SPOCK1: variants seen among roughly 807,000 people sequenced by gnomAD.
The protein encoded by SPOCK1 is testican-1.
A neutral mutation model predicts 55.3 loss-of-function variants in SPOCK1; 23 were observed. That is an observed-to-expected ratio of 0.42 (90% CI 0.30 to 0.59). SPOCK1 has a LOEUF of 0.59. Ranked by LOEUF, SPOCK1 falls within the 20% of genes least tolerant of loss-of-function variation. The pLI, the probability that SPOCK1 is intolerant of heterozygous loss-of-function variation, is 0.22. For missense variants in SPOCK1, 499 were observed against 552.5 expected, an observed-to-expected ratio of 0.90 and a Z score of 0.97; for synonymous variants, 226 against 221.0, an observed-to-expected ratio of 1.02 and a Z score of -0.20.
At chr5:137,018,392 G>T (rs190504007) in intron 6 of SPOCK1, among the ~76,000 whole-genome samples, 1 of 152,240 alleles carries the variant, frequency 6.6e-6, no homozygotes, top group African/African-American at 2.4e-5. Context: ...ACTATAATAC[G>T]TATAAATCAT....
At chr5:137,345,866 A>C (rs1339274119) in intron 2 of SPOCK1, among the ~76,000 whole-genome samples, 1 of 152,232 alleles carries the variant, frequency 6.6e-6, no homozygotes, top group Non-Finnish European at 1.5e-5. Context: ...CCAGATAGAC[A>C]CACATGTCTC....
intron 9 of SPOCK1, among the ~76,000 whole-genome samples, chr5:136,982,927 A>G (rs1750759873): frequency 6.6e-6 from 1 of 152,206 alleles, no homozygotes. Context: ...TTGTAGGTTC[A>G]TAATTATTTC....
chr5:137,274,792 A>G (rs1477924663), intron 2 of SPOCK1, among the ~76,000 whole-genome samples: 2 of 152,252 alleles, frequency 1.3e-5, no homozygotes, highest in Non-Finnish European at 2.9e-5. Flanking sequence ...TAAAAAATCA[A>G]TGAAATTTGA....
intron 3 of SPOCK1, among the ~76,000 whole-genome samples, chr5:137,159,044 A>T (rs1187097361): frequency 1.3e-5 from 2 of 152,134 alleles, no homozygotes; most frequent in Non-Finnish European, 2.9e-5. Flanking sequence ...CAGGAATCAG[A>T]TGCTCCCCTT....
At chr5:137,023,222 G>T (rs979391439) in intron 6 of SPOCK1, among the ~76,000 whole-genome samples, 3 of 152,128 alleles carry the variant, frequency 2.0e-5, no homozygotes, top group Non-Finnish European at 1.5e-5. Flanking sequence ...AACATATATA[G>T]TTCTTAGAAC....
intron 3 of SPOCK1, among the ~76,000 whole-genome samples, chr5:137,212,746 G>T (rs1351708464): frequency 2.0e-5 from 3 of 152,234 alleles, no homozygotes; most frequent in Non-Finnish European, 2.9e-5. Flanking sequence ...TGTATTTTGT[G>T]TGTTGCCAGA....
intron 3 of SPOCK1, among the ~76,000 whole-genome samples, chr5:137,254,825 A>T (rs978090067): frequency 1.1e-4 from 17 of 152,234 alleles, no homozygotes; most frequent in African/African-American, 3.4e-4. Context: ...CTAACCAACA[A>T]GACTGGCTCT....
chr5:137,175,140 G>T (rs1399683931), intron 3 of SPOCK1, among the ~76,000 whole-genome samples: 3 of 152,178 alleles, frequency 2.0e-5, no homozygotes, highest in African/African-American at 7.2e-5. Context: ...CTATGGAAAT[G>T]AGTTATGAAG....
intron 3 of SPOCK1, among the ~76,000 whole-genome samples, chr5:137,163,888 A>G (rs554152275): frequency 1.3e-5 from 2 of 152,296 alleles, no homozygotes; most frequent in East Asian, 3.9e-4. Flanking sequence ...ACAAACACCT[A>G]TCTTAATTAT....
chr5:137,427,525 A>G (rs1752658365), intron 2 of SPOCK1, among the ~76,000 whole-genome samples: 1 of 152,176 alleles, frequency 6.6e-6, no homozygotes, highest in Non-Finnish European at 1.5e-5. Flanking sequence ...CCCATGGAGT[A>G]AGATGCCTAC....
At chr5:137,412,298 C>T (rs1175911124) in intron 2 of SPOCK1, among the ~76,000 whole-genome samples, 1 of 152,224 alleles carries the variant, frequency 6.6e-6, no homozygotes, top group African/African-American at 2.4e-5. Context: ...TTTCTGCCAG[C>T]TGGAGTGCCT....
chr5:137,101,690 C>A (rs1753267723), intron 5 of SPOCK1, among the ~76,000 whole-genome samples: 1 of 152,198 alleles, frequency 6.6e-6, no homozygotes, highest in South Asian at 2.1e-4. Flanking sequence ...GTCTGAACAT[C>A]TGTGCTTTCT....
chr5:137,242,558 T>C (rs1392352461), intron 3 of SPOCK1, among the ~76,000 whole-genome samples: 1 of 152,164 alleles, frequency 6.6e-6, no homozygotes, highest in East Asian at 1.9e-4. Context: ...AATGGACTAA[T>C]ACACTTGTCT....
chr5:137,326,444 C>G (rs1194690641), intron 2 of SPOCK1, among the ~76,000 whole-genome samples: 1 of 152,218 alleles, frequency 6.6e-6, no homozygotes, highest in Admixed American at 6.5e-5. Flanking sequence ...GAAGAGATTG[C>G]TTGGCAATCC....
At chr5:137,496,023 C>T (rs1297542660) in intron 2 of SPOCK1, among the ~76,000 whole-genome samples, 5 of 151,418 alleles carry the variant, frequency 3.3e-5, no homozygotes, top group Non-Finnish European at 7.4e-5. Context: ...TGTCTAAAAC[C>T]GCTCCAAAAA....
At chr5:137,265,647 A>T (rs1756832631) in intron 3 of SPOCK1, among the ~76,000 whole-genome samples, 1 of 152,138 alleles carries the variant, frequency 6.6e-6, no homozygotes, top group East Asian at 1.9e-4. Flanking sequence ...CATTGTTAGG[A>T]TTGTAGAAGA....
At chr5:137,323,362 C>T (rs557111736) in intron 2 of SPOCK1, among the ~76,000 whole-genome samples, 1 of 151,972 alleles carries the variant, frequency 6.6e-6, no homozygotes, top group South Asian at 2.1e-4. Flanking sequence ...CAAAGGAGAA[C>T]AGGGTGGTCA....
chr5:137,140,096 G>A (rs184674263), intron 4 of SPOCK1, among the ~76,000 whole-genome samples: 58 of 152,216 alleles, frequency 3.8e-4, no homozygotes, highest in Admixed American at 6.5e-4. Context: ...GTCCTGAGAA[G>A]GCAGGACCCA....
intron 3 of SPOCK1, among the ~76,000 whole-genome samples, chr5:137,167,630 C>A (rs926766690): frequency 3.5e-5 from 5 of 141,718 alleles, no homozygotes; most frequent in Non-Finnish European, 6.4e-5. Context: ...CTTCTCTGAC[C>A]ACAATGGAAT....
Sources: allele counts gnomAD v4.1 joint callset (sites outside exome capture counted in the v4.1 genomes callset), GRCh38; gene constraint gnomAD v4.1.1; transcripts MANE v1.5; gene names NCBI Gene and HGNC (gene_info 2026-07-23, HGNC 2026-07-21).